The following SHMT1 variants were observed in gnomAD, a reference collection of about 807,000 sequenced individuals.
SHMT1 encodes serine hydroxymethyltransferase, cytosolic.
SHMT1 carries 45 observed loss-of-function variants against 49.0 expected under a neutral mutation model. The ratio of observed to expected loss-of-function variants is 0.92; its 90% CI spans 0.72 to 1.18. SHMT1 has a LOEUF of 1.18. Among genes scored for constraint, SHMT1 ranks in the 50% most tolerant of loss-of-function variants. SHMT1 has a pLI of 0.00. For synonymous variants in SHMT1, 232 were observed against 246.6 expected (o/e 0.94, Z 0.55); for missense variants, 541 against 612.4 (o/e 0.88, Z 1.23).
chr17:18,337,913 G>A (rs1202364325), intron 7 of SHMT1, among the ~76,000 whole-genome samples: 2 of 151,968 alleles, frequency 1.3e-5, no homozygotes, highest in Admixed American at 6.6e-5. Flanking sequence ...GTGTGATCTC[G>A]GCTCGCTACA....
rs1466912234 is a variant in SHMT1, at chr17:18,356,003, A to T, written c.-19-3T>A. 2 of 1,485,274 alleles carry T rather than the reference A, an allele frequency of 1.3e-6. No individual in the cohort carries two copies. The highest frequency in any genetic ancestry group is 1.7e-5 in the Admixed American group (1 of 59,242). The allele number at this position is 1,485,274 out of a possible 1,614,324, so 92.0% of individuals were successfully genotyped here. A position where few individuals can be genotyped will look rare whatever the true frequency, so the allele number is the denominator to read the frequency against. On this transcript the variant is annotated splice_region_variant and splice_polypyrimidine_tract_variant and intron_variant, in intron 1 of 11. Transcript: ENST00000316694. Reference sequence around the variant, plus strand: ...TCATTGCACTGGTTCGAAGCTGCCTAAAAAAATGGGAAAAACATGTGTAGC... The same window carrying T: ...TCATTGCACTGGTTCGAAGCTGCCTTAAAAAATGGGAAAAACATGTGTAGC...
chr17:18,329,410 G>GTCCC (rs1567765982), intron 10 of SHMT1, 22 bp from the exon 11 acceptor site: 2 of 1,573,256 alleles, frequency 1.3e-6, no homozygotes, highest in South Asian at 1.1e-5. Context: ...ACGGGGCTCT[G>GTCCC]TCCCTAAGTC....
chr17:18,347,914 G>GTTTT, intron 4 of SHMT1, among the ~76,000 whole-genome samples: 1 of 137,590 alleles, frequency 7.3e-6, no homozygotes, highest in Non-Finnish European at 1.6e-5. Context: ...ATTTATGGCA[G>GTTTT]TTTTTTTTTT....
intron 7 of SHMT1, among the ~76,000 whole-genome samples, chr17:18,335,997 G>T (rs923536046): frequency 6.6e-6 from 1 of 152,184 alleles, no homozygotes; most frequent in African/African-American, 2.4e-5. Flanking sequence ...TGAAAGGACA[G>T]GCTGGACGCG....
At chr17:18,332,088 C>G (rs112420987) in intron 9 of SHMT1, 3 of 152,364 alleles carry the variant, frequency 2.0e-5, no homozygotes, top group Non-Finnish European at 4.4e-5. Flanking sequence ...TCCTGCTGTG[C>G]GGCCAGGTTC....
At chr17:18,354,049 G>A (rs1328370906) in intron 2 of SHMT1, among the ~76,000 whole-genome samples, 4 of 152,178 alleles carry the variant, frequency 2.6e-5, no homozygotes, top group Non-Finnish European at 5.9e-5. Context: ...TTGGGAGGCC[G>A]AGGCTGGTGG....
intron 8 of SHMT1, among the ~76,000 whole-genome samples, chr17:18,334,851 A>T (rs1983620624): frequency 1.3e-5 from 2 of 152,284 alleles, no homozygotes; most frequent in South Asian, 4.1e-4. Flanking sequence ...TGATGGGAGA[A>T]CATGAGAACA....
At chr17:18,347,889 C>T (rs1029431123) in intron 4 of SHMT1, among the ~76,000 whole-genome samples, 2 of 148,852 alleles carry the variant, frequency 1.3e-5, no homozygotes, top group African/African-American at 4.9e-5. Context: ...CAGAGGGATG[C>T]GTGACTTATC....
chr17:18,360,046 G>C (rs368876113), intron 1 of SHMT1, among the ~76,000 whole-genome samples: 1 of 151,910 alleles, frequency 6.6e-6, no homozygotes, highest in Non-Finnish European at 1.5e-5. Context: ...TCAGGAGTTC[G>C]AGACCAGCCT....
chr17:18,361,670 C>T (rs1986790963), intron 1 of SHMT1, among the ~76,000 whole-genome samples: 1 of 151,544 alleles, frequency 6.6e-6, no homozygotes, highest in Non-Finnish European at 1.5e-5. Context: ...CCTGTAGTCC[C>T]AGCTACTCAG....
intron 7 of SHMT1, among the ~76,000 whole-genome samples, chr17:18,339,748 G>A (rs3794773): frequency 0.11 from 16,604 of 152,074 alleles, 1,011 homozygotes; most frequent in South Asian, 0.18. Context: ...TTTTAGTAGA[G>A]ACGGGGTTTC....
intron 1 of SHMT1, among the ~76,000 whole-genome samples, chr17:18,360,039 G>C (rs372330633): frequency 1.4e-4 from 21 of 152,194 alleles, no homozygotes; most frequent in African/African-American, 4.8e-4. Context: ...CCTGAGGTCA[G>C]GAGTTCGAGA....
rs1986156669 is a variant in SHMT1, at chr17:18,355,488, C to A, written c.96+398G>T. Among the ~76,000 whole-genome samples, 4 of 150,664 alleles carry A rather than the reference C, an allele frequency of 2.7e-5. No individual in the cohort carries two copies. In the Admixed American group the frequency reaches 2.7e-4, roughly 10 times the overall value. ...CCAGGAGGTGGAGGTTGCAGTGAGC[C>A]AAGATCACGCCATTGCACTCCAGCC... is the stretch of plus-strand genomic sequence containing the variant. On this transcript the variant is annotated intron_variant, in intron 2 of 11. Coordinates refer to ENST00000316694, the MANE Select transcript of SHMT1 (RefSeq NM_004169.5).
chr17:18,356,774 G>A (rs1227757680), intron 1 of SHMT1, among the ~76,000 whole-genome samples: 1 of 152,020 alleles, frequency 6.6e-6, no homozygotes, highest in Admixed American at 6.6e-5. Context: ...TGGAACTTCT[G>A]GTTCCTTTCC....
rs540654382 is a variant in SHMT1 at position 18,330,738 on chromosome 17, C to A, written c.1055-67G>T. 8 of 1,185,544 alleles carry A rather than the reference C, an allele frequency of 6.7e-6. 1 individual carries two copies. In the South Asian group the frequency reaches 9.8e-5, roughly 15 times the overall value. The allele number at this position is 1,185,544 out of a possible 1,614,324, so 73.4% of individuals were successfully genotyped here. A position where few individuals can be genotyped will look rare whatever the true frequency, so the allele number is the denominator to read the frequency against. Reference sequence around the variant, plus strand: ...ATGCCGTGAAGGAATCTCTGAGAAACGAAGGCGAGGATGAAGGCAGTCAAA... The same window carrying A: ...ATGCCGTGAAGGAATCTCTGAGAAAAGAAGGCGAGGATGAAGGCAGTCAAA... On this transcript the variant is annotated intron_variant, in intron 9 of 11. Coordinates refer to ENST00000316694, the MANE Select transcript of SHMT1 (RefSeq NM_004169.5).
At chr17:18,345,263 CT>C (rs1306699733) in intron 5 of SHMT1, among the ~76,000 whole-genome samples, 1 of 151,478 alleles carries the variant, frequency 6.6e-6, no homozygotes, top group Non-Finnish European at 1.5e-5. Flanking sequence ...CAGATTCTTT[CT>C]TTTTTTTTCT....
At chr17:18,358,896 CTG>C (rs535833492) in intron 1 of SHMT1, among the ~76,000 whole-genome samples, 1 of 151,868 alleles carries the variant, frequency 6.6e-6, no homozygotes, top group African/African-American at 2.4e-5. Context: ...GAGTAAGACC[CTG>C]TGTGTGTGTG....
chr17:18,329,220 C>T, intron 11 of SHMT1, 58 bp downstream of exon 11: 1 of 1,280,948 alleles, frequency 7.8e-7, no homozygotes, highest in East Asian at 2.3e-5. Context: ...CTACTCATCA[C>T]AATCAGAAAC....
rs1982739914 is a variant in SHMT1, at chr17:18,327,916, A to T, written c.*834T>A. On this transcript the variant is annotated 3_prime_UTR_variant, in exon 12 of 12. Transcript: ENST00000316694. ...TTTATTTGAGTTCAAATATTTTTGA[A>T]ATATAAAAATTGGTTGTATTTTTTA... 6.6e-6 allele frequency: 1 copy of T among 152,642 alleles called. No individual in the cohort carries two copies. Among genetic ancestry groups the T allele is most frequent in the South Asian group, 2.1e-4 (1 of 4,834 alleles). The allele number at this position is 152,642 out of a possible 1,614,324, so 9.5% of individuals were successfully genotyped here. A position where few individuals can be genotyped will look rare whatever the true frequency, so the allele number is the denominator to read the frequency against.
Sources: allele counts gnomAD v4.1 joint callset (sites outside exome capture counted in the v4.1 genomes callset), GRCh38; gene constraint gnomAD v4.1.1; transcripts MANE v1.5; gene names NCBI Gene and HGNC (gene_info 2026-07-23, HGNC 2026-07-21).